The following KAZN variants were observed in gnomAD, a reference collection of about 807,000 sequenced individuals.
KAZN encodes kazrin.
In KAZN, 40 loss-of-function variants were observed where a neutral mutation model predicts 87.4. The observed-to-expected ratio is 0.46, with a 90% confidence interval of 0.36 to 0.60. The LOEUF is 0.60. Ranked by LOEUF, KAZN falls within the 20% of genes least tolerant of loss-of-function variation. The pLI is 0.00. For missense variants in KAZN, 898 were observed against 1,073.9 expected, an observed-to-expected ratio of 0.84 and a Z score of 2.29; for synonymous variants, 466 against 458.3, an observed-to-expected ratio of 1.02 and a Z score of -0.22.
chr1:14,711,649 A>G (rs773701262), intron 1 of KAZN, among the ~76,000 whole-genome samples: 1 of 152,146 alleles, frequency 6.6e-6, no homozygotes, highest in Non-Finnish European at 1.5e-5. Flanking sequence ...GCAGTGTGCC[A>G]TGTTGTGAGC....
intron 1 of KAZN, among the ~76,000 whole-genome samples, chr1:14,056,375 GC>G (rs1463536633): frequency 6.6e-6 from 1 of 152,190 alleles, no homozygotes; most frequent in African/African-American, 2.4e-5. Context: ...CACGATGGAA[GC>G]AGAGCTTGGA....
At chr1:13,924,138 A>C (rs768045396) in intron 1 of KAZN, among the ~76,000 whole-genome samples, 1 of 152,142 alleles carries the variant, frequency 6.6e-6, no homozygotes, top group East Asian at 1.9e-4. Context: ...ATCTGCAAGC[A>C]CTGGCTCAGT....
intron 1 of KAZN, among the ~76,000 whole-genome samples, chr1:14,158,069 A>G (rs567299251): frequency 1.3e-5 from 2 of 152,278 alleles, no homozygotes; most frequent in African/African-American, 4.8e-5. Flanking sequence ...GAGCCAAACC[A>G]TATCAGGTAA....
chr1:14,498,704 AT>A lies in KAZN; in HGVS notation c.250-100278del, dbSNP rs374980241. On this transcript the variant is annotated intron_variant, in intron 2 of 16. Transcript: ENST00000636203. ...AAGACTCTGTCTCAAAATAAAAAAA[AT>A]AAAATAAAGGAAAAAGAAAAAAAAT... Among the ~76,000 whole-genome samples the A allele has an allele frequency of 2.6e-4, 40 of 152,238 alleles. 1 individual carries two copies. The East Asian group carries it at 7.2e-3, about 27-fold the overall frequency.
At chr1:13,949,035 G>A (rs1043189942) in intron 1 of KAZN, among the ~76,000 whole-genome samples, 18 of 152,204 alleles carry the variant, frequency 1.2e-4, no homozygotes, top group African/African-American at 3.9e-4. Context: ...CAATAAATAC[G>A]CTGATAAATG....
At chr1:14,712,594 T>C (rs1642544444) in intron 1 of KAZN, among the ~76,000 whole-genome samples, 1 of 152,210 alleles carries the variant, frequency 6.6e-6, no homozygotes, top group Non-Finnish European at 1.5e-5. Flanking sequence ...CAGAAGCCCA[T>C]GCTCTGGAAG....
intron 1 of KAZN, among the ~76,000 whole-genome samples, chr1:14,738,058 C>T (rs1274726853): frequency 1.3e-5 from 2 of 152,182 alleles, no homozygotes; most frequent in Admixed American, 6.5e-5. Flanking sequence ...AGAATTCTAC[C>T]TACTGCCCTT....
At chr1:15,044,676 G>A (rs114634521) in intron 4 of KAZN, among the ~76,000 whole-genome samples, 2,481 of 149,596 alleles carry the variant, frequency 0.017, 50 homozygotes, top group African/African-American at 0.057. Flanking sequence ...TGGAGGTAAG[G>A]CTGCAGTGAG....
intron 2 of KAZN, among the ~76,000 whole-genome samples, chr1:14,286,525 A>G (rs776469188): frequency 6.6e-6 from 1 of 152,228 alleles, no homozygotes; most frequent in African/African-American, 2.4e-5. Context: ...TAGACCATCC[A>G]TGTACAGCAT....
Position 14,735,356 on chromosome 1 carries a change from G to A in KAZN, c.226+136133G>A, listed in dbSNP as rs539042205. Among the ~76,000 whole-genome samples the A allele has an allele frequency of 2.6e-5, 4 of 152,308 alleles. No individual in the cohort carries two copies. Among genetic ancestry groups the A allele is most frequent in the South Asian group, 2.1e-4 (1 of 4,820 alleles). On this transcript the variant is annotated intron_variant, in intron 1 of 14. Coordinates refer to ENST00000376030, the MANE Select transcript of KAZN (RefSeq NM_201628.3). This position sits in a 1 kb window ranked among gnomAD's most constrained non-coding sequence, Gnocchi z 4.3. Reference sequence around the variant, plus strand: ...ATTACAGGCGTGAGCCACCGCGCCCGGCCCGTGCTGTTGTTTTCAAAGACA... The same window carrying A: ...ATTACAGGCGTGAGCCACCGCGCCCAGCCCGTGCTGTTGTTTTCAAAGACA...
At chr1:14,818,479 G>A (rs886976171) in intron 1 of KAZN, among the ~76,000 whole-genome samples, 3 of 152,248 alleles carry the variant, frequency 2.0e-5, no homozygotes, top group Non-Finnish European at 2.9e-5. Flanking sequence ...CAAGGGTCAC[G>A]AAGCAGTCAA....
At chr1:14,389,739 G>C (rs1326154634) in intron 2 of KAZN, among the ~76,000 whole-genome samples, 1 of 152,210 alleles carries the variant, frequency 6.6e-6, no homozygotes, top group Non-Finnish European at 1.5e-5. Context: ...GGGGTAGGGA[G>C]TGGGGATGGA....
chr1:14,032,589 C>T (rs1641375034), intron 1 of KAZN, among the ~76,000 whole-genome samples: 1 of 152,170 alleles, frequency 6.6e-6, no homozygotes, highest in Non-Finnish European at 1.5e-5. Flanking sequence ...TTTTTCCTCT[C>T]TCTCAGTCTG....
At chr1:15,072,682 A>T (rs1639566523) in intron 8 of KAZN, among the ~76,000 whole-genome samples, 1 of 152,200 alleles carries the variant, frequency 6.6e-6, no homozygotes, top group Admixed American at 6.5e-5. Context: ...TTTACAGATG[A>T]ACAAACCAAG....
At chr1:14,225,384 C>T (rs531928510) in intron 2 of KAZN, among the ~76,000 whole-genome samples, 4 of 152,184 alleles carry the variant, frequency 2.6e-5, no homozygotes, top group African/African-American at 9.6e-5. Context: ...TCAGAGATGA[C>T]ACAAACAAAT....
At chr1:14,800,786 A>G (rs928587620) in intron 1 of KAZN, among the ~76,000 whole-genome samples, 3 of 152,202 alleles carry the variant, frequency 2.0e-5, no homozygotes, top group African/African-American at 7.2e-5. Context: ...AAAAGACTAC[A>G]CGTTGTATGA....
intron 2 of KAZN, among the ~76,000 whole-genome samples, chr1:14,224,623 T>C (rs1026012453): frequency 1.3e-5 from 2 of 152,106 alleles, no homozygotes; most frequent in Middle Eastern, 3.2e-3. Flanking sequence ...CCTCCTTAGT[T>C]TGAAAGAAGC....
chr1:14,135,631 G>C (rs561835753), intron 1 of KAZN, among the ~76,000 whole-genome samples: 1 of 152,160 alleles, frequency 6.6e-6, no homozygotes, highest in African/African-American at 2.4e-5. Flanking sequence ...GTTGGAAGCC[G>C]TTTTAATTTC....
intron 2 of KAZN, among the ~76,000 whole-genome samples, chr1:14,400,971 G>T (rs1478616674): frequency 6.6e-6 from 1 of 152,216 alleles, no homozygotes; most frequent in Non-Finnish European, 1.5e-5. Flanking sequence ...ATGTGTGCTG[G>T]ACATCTACTA....
Sources: allele counts gnomAD v4.1 joint callset (sites outside exome capture counted in the v4.1 genomes callset), GRCh38; gene constraint gnomAD v4.1.1; non-coding constraint Gnocchi (gnomAD v3.1); transcripts MANE v1.5; gene names NCBI Gene and HGNC (gene_info 2026-07-23, HGNC 2026-07-21).